Variants in DIAPH3 observed in about 807,000 individuals in gnomAD.
The protein encoded by DIAPH3 is protein diaphanous homolog 3.
Under a neutral mutation model 144.3 loss-of-function variants are expected in DIAPH3, and 117 were observed. That is an observed-to-expected ratio of 0.81 (90% CI 0.70 to 0.95). The LOEUF (loss-of-function observed/expected upper bound fraction) is 0.95, where lower values mean the gene tolerates loss of function less well. Among genes scored for constraint, DIAPH3 ranks in the 40% least tolerant of loss-of-function variants. The pLI is 0.00. For synonymous variants in DIAPH3, 519 were observed against 488.9 expected, an observed-to-expected ratio of 1.06 and a Z score of -0.81; for missense variants, 1,421 against 1,412.7, an observed-to-expected ratio of 1.01 and a Z score of -0.09.
chr13:59,815,054 T>C, intron 24 of DIAPH3, among the ~76,000 whole-genome samples: 1 of 152,244 alleles, frequency 6.6e-6, no homozygotes, highest in East Asian at 1.9e-4. Flanking sequence ...TATTCCATTG[T>C]GTATATGAAC....
At chr13:59,730,058 G>C (rs1651886662) in intron 27 of DIAPH3, among the ~76,000 whole-genome samples, 1 of 152,022 alleles carries the variant, frequency 6.6e-6, no homozygotes, top group South Asian at 2.1e-4. Context: ...AGCTATTACA[G>C]TATTTGGTTT....
chr13:59,971,538 T>C lies in DIAPH3; in HGVS notation c.1651-378A>G, dbSNP rs141419098. On this transcript the variant is annotated intron_variant, in intron 15 of 27. Coordinates refer to ENST00000400324, the MANE Select transcript of DIAPH3 (RefSeq NM_001042517.2). ...TCACTCATAGTATGGAGAGAATATG[T>C]AGCATGACAAAGGGTCTATGCACAG... 9.1e-4 allele frequency among the ~76,000 whole-genome samples: 139 copies of C among 152,250 alleles called. 2 individuals carry two copies. Among genetic ancestry groups the C allele is most frequent in the African/African-American group, 3.3e-3 (136 of 41,552 alleles).
rs571026375 is a variant in DIAPH3 at position 59,937,822 on chromosome 13, G to A, written c.2075-12952C>T. 1.5e-4 allele frequency among the ~76,000 whole-genome samples: 23 copies of A among 152,050 alleles called. No homozygotes were observed. The South Asian group carries it at 2.3e-3, about 15-fold the overall frequency. ...GAGGTGGGGAGGCAGGGGAGGGGAC[G>A]GGAAGCAAAAAAAGAAAGAAAATGC... On this transcript the variant is annotated intron_variant, in intron 17 of 27. Coordinates refer to ENST00000400324, the MANE Select transcript of DIAPH3 (RefSeq NM_001042517.2).
chr13:59,897,017 T>C (rs1227567226), intron 20 of DIAPH3, among the ~76,000 whole-genome samples: 1 of 152,168 alleles, frequency 6.6e-6, no homozygotes, highest in Non-Finnish European at 1.5e-5. Flanking sequence ...AGCCAAAGTA[T>C]AGAAAGTCTG....
chr13:59,887,758 ATT>A (rs956506978), intron 20 of DIAPH3, among the ~76,000 whole-genome samples: 1 of 151,816 alleles, frequency 6.6e-6, no homozygotes, highest in African/African-American at 2.4e-5. Context: ...GAATTTACTG[ATT>A]TTTTTTGTAC....
intron 22 of DIAPH3, among the ~76,000 whole-genome samples, chr13:59,852,951 ATATT>A (rs1365817221): frequency 1.3e-5 from 2 of 152,246 alleles, no homozygotes; most frequent in Non-Finnish European, 2.9e-5. Flanking sequence ...AACATGGAGA[ATATT>A]TATATAATGA....
At chr13:59,757,392 C>CT (rs558678599) in intron 27 of DIAPH3, among the ~76,000 whole-genome samples, 2,198 of 93,056 alleles carry the variant, frequency 0.024, 308 homozygotes, top group African/African-American at 0.058. Context: ...ATGGGTCATC[C>CT]TTTTTTTTTT....
At chr13:59,706,287 C>T (rs1416611108) in intron 27 of DIAPH3, among the ~76,000 whole-genome samples, 1 of 152,156 alleles carries the variant, frequency 6.6e-6, no homozygotes, top group African/African-American at 2.4e-5. Flanking sequence ...GCCACGGATG[C>T]TGAACCGCTG....
chr13:60,067,894 T>A (rs1260801900), intron 4 of DIAPH3, among the ~76,000 whole-genome samples: 1 of 152,198 alleles, frequency 6.6e-6, no homozygotes, highest in East Asian at 1.9e-4. Context: ...TCCCTACAGA[T>A]AAAATCCTAT....
chr13:59,756,628 C>T (rs1360397855), intron 27 of DIAPH3, among the ~76,000 whole-genome samples: 1 of 152,016 alleles, frequency 6.6e-6, no homozygotes, highest in Non-Finnish European at 1.5e-5. Context: ...CATTGGATGG[C>T]ATCATGTAGA....
At chr13:59,979,448 T>C (rs138005419) in intron 14 of DIAPH3, among the ~76,000 whole-genome samples, 1 of 151,654 alleles carries the variant, frequency 6.6e-6, no homozygotes, top group East Asian at 1.9e-4. Context: ...ACTGTAACAC[T>C]ATGAGACTAA....
chr13:59,919,005 A>G lies in DIAPH3; in HGVS notation c.2171-2756T>C, dbSNP rs370264227. On this transcript the variant is annotated intron_variant, in intron 18 of 27. Transcript: ENST00000400324. ...AGAAAACAGTTTTTAAAAATTAAAC[A>G]GAAATACTAAAATATACAAGGTACA... is the stretch of plus-strand genomic sequence containing the variant. Among the ~76,000 whole-genome samples, 115 of 152,168 alleles carry G rather than the reference A, an allele frequency of 7.6e-4. 2 individuals are homozygous for G. The South Asian group carries it at 0.023, about 30-fold the overall frequency.
intron 25 of DIAPH3, among the ~76,000 whole-genome samples, chr13:59,795,534 G>A (rs11838906): frequency 0.076 from 11,384 of 150,370 alleles, 555 homozygotes; most frequent in South Asian, 0.18. Flanking sequence ...AGCTCACTGC[G>A]AGCTCCGCCT....
intron 12 of DIAPH3, among the ~76,000 whole-genome samples, chr13:59,984,226 C>T (rs982185065): frequency 2.6e-5 from 4 of 151,530 alleles, no homozygotes; most frequent in African/African-American, 9.7e-5. Context: ...TCCACTGTAC[C>T]ACACTGAAAT....
chr13:60,028,058 C>G (rs1469452105), intron 5 of DIAPH3, among the ~76,000 whole-genome samples: 2 of 152,122 alleles, frequency 1.3e-5, no homozygotes, highest in African/African-American at 4.8e-5. Flanking sequence ...CACAGAACTG[C>G]CTTTGTAACA....
chr13:60,163,211 C>A (rs1425578137), intron 1 of DIAPH3, among the ~76,000 whole-genome samples: 2 of 152,064 alleles, frequency 1.3e-5, no homozygotes, highest in Admixed American at 6.5e-5. Flanking sequence ...ATTAAAAGTT[C>A]TTATTAAAAT....
At chr13:59,825,953 C>T (rs1310463227) in intron 24 of DIAPH3, among the ~76,000 whole-genome samples, 1 of 152,052 alleles carries the variant, frequency 6.6e-6, no homozygotes, top group African/African-American at 2.4e-5. Context: ...TCAATAGATG[C>T]AGAAAAGGCC....
intron 12 of DIAPH3, among the ~76,000 whole-genome samples, chr13:59,984,202 G>A (rs183673777): frequency 5.3e-5 from 8 of 151,748 alleles, no homozygotes; most frequent in Admixed American, 3.3e-4. Context: ...TTTGTGCTCA[G>A]AGGTCATCAA....
chr13:59,758,079 C>T (rs572759821), intron 27 of DIAPH3, among the ~76,000 whole-genome samples: 1 of 152,248 alleles, frequency 6.6e-6, no homozygotes, highest in African/African-American at 2.4e-5. Context: ...CTGAGATACC[C>T]TACTTGAATT....
Sources: allele counts gnomAD v4.1 joint callset (sites outside exome capture counted in the v4.1 genomes callset), GRCh38; gene constraint gnomAD v4.1.1; transcripts MANE v1.5; gene names NCBI Gene and HGNC (gene_info 2026-07-23, HGNC 2026-07-21).